KBTBD8: variants seen among roughly 807,000 people sequenced by gnomAD.
KBTBD8 encodes kelch repeat and BTB domain containing 8.
A neutral mutation model predicts 53.5 loss-of-function variants in KBTBD8; 31 were observed. The observed-to-expected ratio is 0.58, with a 90% confidence interval of 0.44 to 0.78. The LOEUF (loss-of-function observed/expected upper bound fraction) is 0.78. Ranked by LOEUF, KBTBD8 falls within the 30% of genes least tolerant of loss-of-function variation. The pLI is 0.00. For synonymous variants in KBTBD8, 250 were observed against 247.3 expected (o/e 1.01, Z -0.10); for missense variants, 642 against 735.8 (o/e 0.87, Z 1.48).
At chr3:66,998,467 G>A (rs1701982490) in intron 1 of KBTBD8, 96 bp downstream of exon 1, 5 of 944,726 alleles carry the variant, frequency 5.3e-6, no homozygotes, top group African/African-American at 1.7e-5. Flanking sequence ...GTAGCGGTGC[G>A]GAGCTAGAGG....
chr3:67,003,494 G>T lies in KBTBD8; in HGVS notation c.527G>T (p.Arg176Leu). 1 of 1,614,048 alleles carries T rather than the reference G, an allele frequency of 6.2e-7. No individual in the cohort carries two copies. Among genetic ancestry groups the T allele is most frequent in the Non-Finnish European group, 8.5e-7 (1 of 1,179,980 alleles). ...ELGDRSKEYI[R>L]KKFLCVTKEQ... ...GGAGATCGATCAAAAGAATACATTC[G>T]TAAAAAGTTTCTGTGTGTCACCAAA... The change falls in exon 3 of 4, where the codon CGT becomes CTT. Residue 176 changes from arginine (R) to leucine (L), a missense_variant. By Grantham distance (102) the Arg-to-Leu change is moderately radical. Transcript: ENST00000417314.
At chr3:67,001,507 A>T (rs986776577) in intron 2 of KBTBD8, among the ~76,000 whole-genome samples, 4 of 152,220 alleles carry the variant, frequency 2.6e-5, no homozygotes, top group Non-Finnish European at 5.9e-5. Context: ...TCCTGTGTGT[A>T]AGATGAGCCT....
chr3:67,000,533 G>A (rs999053019), intron 2 of KBTBD8, among the ~76,000 whole-genome samples: 3 of 152,148 alleles, frequency 2.0e-5, no homozygotes, highest in African/African-American at 7.2e-5. Flanking sequence ...TTATGAAGAA[G>A]CTGAGGCTCA....
At position 67,003,874 on chromosome 3, in the gene KBTBD8, A is replaced by C. The variant is rs1702040200; in HGVS notation, c.907A>C (p.Thr303Pro). Residue 303 changes from threonine to proline, a missense_variant, in exon 3 of 4, where the codon ACA becomes CCA. Thr to Pro is a conservative substitution (Grantham distance 38, BLOSUM62 -1). Transcript: ENST00000417314. Reference sequence around the variant, plus strand: ...CCACAAACACTCAGGAAAGAAGCAAACAGTGCCTTGTCTAGATATAGTCAC... The same window carrying C: ...CCACAAACACTCAGGAAAGAAGCAACCAGTGCCTTGTCTAGATATAGTCAC... ...AAHKHSGKKQ[T>P]VPCLDIVTGR... 2 of 1,614,178 alleles carry C rather than the reference A, an allele frequency of 1.2e-6. No individual in the cohort carries two copies. Among genetic ancestry groups the C allele is most frequent in the Non-Finnish European group, 1.7e-6 (2 of 1,180,036 alleles).
intron 1 of KBTBD8, among the ~76,000 whole-genome samples, 158 bp downstream of exon 1, chr3:66,998,529 A>G (rs1250961996): frequency 6.6e-6 from 1 of 151,900 alleles, no homozygotes; most frequent in Non-Finnish European, 1.5e-5. Context: ...AATGGTGCGG[A>G]GGGCGGTGGG....
chr3:67,004,513 T>C (rs1197739281), intron 3 of KBTBD8, among the ~76,000 whole-genome samples: 10 of 152,250 alleles, frequency 6.6e-5, no homozygotes, highest in Admixed American at 5.9e-4. Flanking sequence ...GTTAAATTAC[T>C]AAAATAATCC....
intron 3 of KBTBD8, 95 bp from the exon 4 acceptor site, chr3:67,007,827 A>G (rs1575580864): frequency 1.6e-6 from 1 of 635,072 alleles, no homozygotes. Flanking sequence ...ATAGCAAATT[A>G]TGCCCTTTAA....
rs896346920 is a variant in KBTBD8, at chr3:67,008,592, A to T, written c.*207A>T. ...AAGGAAAAGATAACAAAGTGCAATT[A>T]TCAGCATTTTTTTTTCCTGGCATAA... On this transcript the variant is annotated 3_prime_UTR_variant, in exon 4 of 4. Coordinates refer to ENST00000417314, the MANE Select transcript of KBTBD8 (RefSeq NM_032505.3). 3.4e-5 allele frequency: 17 copies of T among 502,704 alleles called. No homozygotes were observed. The highest frequency in any genetic ancestry group is 5.3e-5 in the Non-Finnish European group (15 of 285,248). 31.1% of individuals were successfully genotyped at this position (502,704 alleles called of 1,614,324 possible).
At chr3:67,004,558 G>A (rs541270736) in intron 3 of KBTBD8, among the ~76,000 whole-genome samples, 1 of 152,288 alleles carries the variant, frequency 6.6e-6, no homozygotes, top group Admixed American at 6.5e-5. Context: ...TTGATATCAT[G>A]TAGAATAACT....
chr3:67,005,724 G>A (rs1468166430), intron 3 of KBTBD8, among the ~76,000 whole-genome samples: 1 of 150,482 alleles, frequency 6.6e-6, no homozygotes, highest in South Asian at 2.1e-4. Flanking sequence ...CACCCAGGCT[G>A]GAGTGCAGTG....
Position 67,005,458 on chromosome 3 carries a change from G to A in KBTBD8, c.1342+1149G>A, listed in dbSNP as rs145626144. ...AGAGTACTCAGTACAGTCACATGCT[G>A]TACAGTTTTGTAGCCTAGGTGTGTA... is the stretch of plus-strand genomic sequence containing the variant. On this transcript the variant is annotated intron_variant, in intron 3 of 3. Coordinates refer to ENST00000417314, the MANE Select transcript of KBTBD8 (RefSeq NM_032505.3). Among the ~76,000 whole-genome samples the A allele has an allele frequency of 6.9e-3, 1,054 of 152,252 alleles. 11 individuals carry two copies. Among genetic ancestry groups the A allele is most frequent in the African/African-American group, 0.024 (1,004 of 41,556 alleles).
At chr3:67,002,512 CTTTTTTT>C (rs57174511) in intron 2 of KBTBD8, among the ~76,000 whole-genome samples, 2 of 90,368 alleles carry the variant, frequency 2.2e-5, no homozygotes, top group Non-Finnish European at 4.0e-5. Context: ...TATAGGTATT[CTTTTTTT>C]TTTTTTTTTT....
intron 2 of KBTBD8, among the ~76,000 whole-genome samples, chr3:67,000,948 A>G (rs1051649691): frequency 6.6e-6 from 1 of 152,172 alleles, no homozygotes; most frequent in East Asian, 1.9e-4. Context: ...GTAACTTTAC[A>G]TAAGTATGAC....
In KBTBD8 at chr3:67,009,725, C is replaced by T. The variant is rs13075459; in HGVS notation, c.*1340C>T. ...TAGGAATATTAACATGAAGGATAAA[C>T]CAACTTATTTGTATACCTAAGGCAG... is the stretch of plus-strand genomic sequence containing the variant. On this transcript the variant is annotated 3_prime_UTR_variant, in exon 4 of 4. Transcript: ENST00000417314. 0.12 allele frequency: 17,610 copies of T among 152,508 alleles called. 1,148 individuals carry two copies. Among genetic ancestry groups the T allele is most frequent in the Admixed American group, 0.17 (2,660 of 15,274 alleles). 9.4% of individuals were successfully genotyped at this position (152,508 alleles called of 1,614,324 possible).
intron 3 of KBTBD8, among the ~76,000 whole-genome samples, chr3:67,004,624 CA>C (rs1702048339): frequency 6.6e-6 from 1 of 152,082 alleles, no homozygotes; most frequent in African/African-American, 2.4e-5. Flanking sequence ...ATAACTATTT[CA>C]GAGTAGTTTG....
Position 67,003,368 on chromosome 3 carries a change from C to G in KBTBD8, c.401C>G (p.Ser134Cys). 2 of 1,614,196 alleles carry G rather than the reference C, an allele frequency of 1.2e-6. No individual in the cohort carries two copies. Residue 134 changes from serine (S) to cysteine (C), a missense_variant, in exon 3 of 4, where the codon TCC (serine) becomes TGC (cysteine). Coordinates refer to ENST00000417314, the MANE Select transcript of KBTBD8 (RefSeq NM_032505.3). Reference sequence around the variant, plus strand: ...GCAGCTAGCATCTTCCAGATTCCTTCCATCCAAGACCAATGTGCTAAGTAT... The same window carrying G: ...GCAGCTAGCATCTTCCAGATTCCTTGCATCCAAGACCAATGTGCTAAGTAT... ...FTAASIFQIPSIQDQCAKYMI... is the reference protein window; with the variant it reads ...FTAASIFQIPCIQDQCAKYMI...
chr3:67,001,848 A>G (rs1377056123), intron 2 of KBTBD8, among the ~76,000 whole-genome samples: 1 of 152,194 alleles, frequency 6.6e-6, no homozygotes, highest in Non-Finnish European at 1.5e-5. Flanking sequence ...TTTGAGAGAT[A>G]TTTTTTAAGT....
chr3:67,005,203 T>C (rs1229400464), intron 3 of KBTBD8, among the ~76,000 whole-genome samples: 28 of 152,200 alleles, frequency 1.8e-4, no homozygotes, highest in Non-Finnish European at 7.3e-5. Flanking sequence ...GCAACATCCT[T>C]ATTCCTCGTA....
rs1702100938 is a variant in KBTBD8 at position 67,009,701 on chromosome 3, A to G, written c.*1316A>G. The G allele has an allele frequency of 6.6e-6, 1 of 152,630 alleles. No homozygotes were observed. The highest frequency in any genetic ancestry group is 1.5e-5 in the Non-Finnish European group (1 of 68,020). 9.5% of individuals were successfully genotyped at this position (152,630 alleles called of 1,614,324 possible). A position where few individuals can be genotyped will look rare whatever the true frequency, so the allele number is the denominator to read the frequency against. ...ATGAAATTTCTAACAATCATCAGTT[A>G]GGAATATTAACATGAAGGATAAACC... On this transcript the variant is annotated 3_prime_UTR_variant, in exon 4 of 4. Transcript: ENST00000417314.
Sources: allele counts gnomAD v4.1 joint callset (sites outside exome capture counted in the v4.1 genomes callset), GRCh38; gene constraint gnomAD v4.1.1; transcripts MANE v1.5; gene names NCBI Gene and HGNC (gene_info 2026-07-23, HGNC 2026-07-21).